Variants in AGBL1 observed in about 807,000 individuals in gnomAD.
AGBL1 encodes cytosolic carboxypeptidase 4.
In AGBL1, 130 loss-of-function variants were observed where a neutral mutation model predicts 118.9. The observed-to-expected ratio is 1.09, with a 90% CI of 0.95 to 1.26. AGBL1 has a LOEUF of 1.26. AGBL1 is among the 50% of genes most tolerant of loss of function. AGBL1 has a pLI of 0.00. For synonymous variants in AGBL1, 555 were observed against 478.9 expected (o/e 1.16, Z -2.08); for missense variants, 1,584 against 1,298.1 (o/e 1.22, Z -3.38).
At chr15:86,606,530 C>A (rs1169667270) in intron 21 of AGBL1, among the ~76,000 whole-genome samples, 1 of 152,124 alleles carries the variant, frequency 6.6e-6, no homozygotes, top group Non-Finnish European at 1.5e-5. Context: ...ATTTAATCTG[C>A]TTTTGTTCTG....
chr15:86,403,272 C>A (rs2081475536), intron 18 of AGBL1, among the ~76,000 whole-genome samples: 1 of 152,122 alleles, frequency 6.6e-6, no homozygotes. Context: ...ATTTTATTTA[C>A]AGGAGAACCA....
chr15:86,094,837 G>A (rs929029039), intron 1 of AGBL1, among the ~76,000 whole-genome samples: 1 of 152,152 alleles, frequency 6.6e-6, no homozygotes, highest in African/African-American at 2.4e-5. Context: ...TGCCACCTGG[G>A]TATCCTACCT....
chr15:86,625,364 C>CCTTTTTTTTTTTTTT lies in AGBL1; in HGVS notation c.2995-48909_2995-48908insCTTTTTTTTTTTTTT, dbSNP rs1429206623. 2.9e-4 allele frequency among the ~76,000 whole-genome samples: 20 copies of CCTTTTTTTTTTTTTT among 68,290 alleles called. 6 individuals carry two copies. The highest frequency in any genetic ancestry group is 8.5e-4 in the East Asian group (1 of 1,172). The allele number at this position is 68,290 out of a possible 152,430, so 44.8% of individuals were successfully genotyped here. ...CAGCCTCCAAGGTAGAAGAAATTAGCGTTTTTTTTTTTTTGTTTTTGTTTT... is the reference window on the plus strand; with the variant it reads ...CAGCCTCCAAGGTAGAAGAAATTAGCCTTTTTTTTTTTTTTGTTTTTTTTTTTTTGTTTTTGTTTT... On this transcript the variant is annotated intron_variant, in intron 21 of 22. Coordinates refer to ENST00000614907, the MANE Select transcript of AGBL1 (RefSeq NM_001386094.1).
intron 17 of AGBL1, among the ~76,000 whole-genome samples, chr15:86,349,546 T>C (rs1198246682): frequency 6.6e-6 from 1 of 152,214 alleles, no homozygotes; most frequent in Non-Finnish European, 1.5e-5. Context: ...TTGAAAGGCA[T>C]GTGTTTGCCT....
chr15:86,657,698 C>G (rs2085482379), intron 21 of AGBL1, among the ~76,000 whole-genome samples: 1 of 152,140 alleles, frequency 6.6e-6, no homozygotes. Flanking sequence ...TATGTCTGGA[C>G]TTGCTTGCTC....
At chr15:86,951,531 CAT>C (rs1176890708) in intron 23 of AGBL1, among the ~76,000 whole-genome samples, 2 of 152,124 alleles carry the variant, frequency 1.3e-5, no homozygotes, top group African/African-American at 4.8e-5. Flanking sequence ...TGGTTAATCT[CAT>C]ATAATGTTGA....
At chr15:87,015,541 T>TAAAC (rs2081601206) in intron 24 of AGBL1, among the ~76,000 whole-genome samples, 1 of 152,318 alleles carries the variant, frequency 6.6e-6, no homozygotes, top group East Asian at 1.9e-4. Flanking sequence ...ATTCATTCAG[T>TAAAC]AAACACTGAG....
chr15:86,380,596 T>G (rs966259374), intron 17 of AGBL1, among the ~76,000 whole-genome samples: 1 of 145,004 alleles, frequency 6.9e-6, no homozygotes, highest in Non-Finnish European at 1.5e-5. Flanking sequence ...CTATGGCATA[T>G]TCATCCGTCT....
Position 86,910,584 on chromosome 15 carries a change from T to A in AGBL1, c.*3290T>A, listed in dbSNP as rs1016859039. The A allele has an allele frequency of 3.3e-5, 5 of 152,362 alleles. No homozygotes were observed. The highest frequency in any genetic ancestry group is 1.2e-4 in the African/African-American group (5 of 41,570). The allele number at this position is 152,362 out of a possible 1,614,324, so 9.4% of individuals were successfully genotyped here. A position where few individuals can be genotyped will look rare whatever the true frequency, so the allele number is the denominator to read the frequency against. ...AGTTTGAGGAGTGCCCCAGGTGTGA[T>A]ACTACTATATTTGAAGAGCAGAACG... On this transcript the variant is annotated 3_prime_UTR_variant, in exon 23 of 23. Coordinates refer to ENST00000614907, the MANE Select transcript of AGBL1 (RefSeq NM_001386094.1).
At chr15:86,832,562 C>T (rs2079119612) in intron 22 of AGBL1, among the ~76,000 whole-genome samples, 1 of 152,176 alleles carries the variant, frequency 6.6e-6, no homozygotes, top group Admixed American at 6.5e-5. Flanking sequence ...GGCAAAATGT[C>T]ACCAGTCTCT....
At chr15:86,900,086 T>C (rs1377447638) in intron 22 of AGBL1, among the ~76,000 whole-genome samples, 1 of 152,166 alleles carries the variant, frequency 6.6e-6, no homozygotes, top group East Asian at 1.9e-4. Context: ...TTTGGACTCT[T>C]GGGCTTACAG....
chr15:86,580,310 T>G (rs1332993335), intron 21 of AGBL1, among the ~76,000 whole-genome samples: 1 of 152,170 alleles, frequency 6.6e-6, no homozygotes, highest in African/African-American at 2.4e-5. Context: ...AGATTTGTAC[T>G]TTTAGTATTG....
In AGBL1 at chr15:86,911,602, T is replaced by C. The variant is rs748851523; in HGVS notation, c.*4308T>C. ...CTCATCGCACTTATGCTTGTGAGTG[T>C]CTACACACATATGCACATGCACAGT... is the stretch of plus-strand genomic sequence containing the variant. On this transcript the variant is annotated 3_prime_UTR_variant, in exon 23 of 23. Coordinates refer to ENST00000614907, the MANE Select transcript of AGBL1 (RefSeq NM_001386094.1). 6.6e-6 allele frequency: 1 copy of C among 152,176 alleles called. No individual in the cohort carries two copies. The highest frequency in any genetic ancestry group is 2.1e-4 in the South Asian group (1 of 4,836). 9.4% of individuals were successfully genotyped at this position (152,176 alleles called of 1,614,324 possible).
chr15:86,504,144 A>G (rs931808255), intron 18 of AGBL1, among the ~76,000 whole-genome samples: 2 of 151,630 alleles, frequency 1.3e-5, no homozygotes, highest in Non-Finnish European at 3.0e-5. Context: ...TTCTTGATGA[A>G]TTAACCCTTT....
intron 23 of AGBL1, among the ~76,000 whole-genome samples, chr15:86,933,368 G>C (rs1240521047): frequency 6.6e-6 from 1 of 151,984 alleles, no homozygotes; most frequent in Non-Finnish European, 1.5e-5. Flanking sequence ...ACAAAATAAG[G>C]GATATGGGAG....
intron 17 of AGBL1, among the ~76,000 whole-genome samples, chr15:86,328,346 G>C (rs2080218078): frequency 6.6e-6 from 1 of 152,120 alleles, no homozygotes; most frequent in Non-Finnish European, 1.5e-5. Context: ...ATGGTAAAAA[G>C]TATTTGAAAG....
In AGBL1 at chr15:86,247,815, T is replaced by C; in HGVS notation, c.671T>C (p.Leu224Pro). Residue 224 changes from leucine (L) to proline (P), a missense_variant, in exon 7 of 23, where the codon CTC (leucine) becomes CCC (proline). Physicochemically the swap from Leu to Pro is moderately conservative, Grantham distance 98. Coordinates refer to ENST00000614907, the MANE Select transcript of AGBL1 (RefSeq NM_001386094.1). ...LLLCLRHIAA[L>P]RSGREAFLAA... ...CTCTGCCTCAGGCACATTGCTGCCC[T>C]CCGGTCCGGCAGGGAGGCCTTCCTG... is the stretch of plus-strand genomic sequence containing the variant. The C allele has an allele frequency of 6.2e-7, 1 of 1,613,962 alleles. No homozygotes were observed. Among genetic ancestry groups the C allele is most frequent in the Non-Finnish European group, 8.5e-7 (1 of 1,179,898 alleles).
chr15:86,753,397 C>CTTTTTTT lies in AGBL1; in HGVS notation c.3158+78973_3158+78979dup, dbSNP rs1555446759. ...CAAGGCTTTCTTTCTTTTTCTTTTT[C>CTTTTTTT]TTTTTTTTTTTTTTTTTTGAGACAG... On this transcript the variant is annotated intron_variant, in intron 22 of 22. Coordinates refer to ENST00000614907, the MANE Select transcript of AGBL1 (RefSeq NM_001386094.1). Among the ~76,000 whole-genome samples the CTTTTTTT allele has an allele frequency of 2.3e-4, 26 of 111,272 alleles. 1 individual carries two copies. Among genetic ancestry groups the CTTTTTTT allele is most frequent in the African/African-American group, 4.0e-4 (12 of 30,302 alleles). The allele number at this position is 111,272 out of a possible 152,430, so 73.0% of individuals were successfully genotyped here. A position where few individuals can be genotyped will look rare whatever the true frequency, so the allele number is the denominator to read the frequency against.
chr15:86,899,685 T>C (rs2080184373), intron 22 of AGBL1, among the ~76,000 whole-genome samples: 1 of 152,188 alleles, frequency 6.6e-6, no homozygotes, highest in Non-Finnish European at 1.5e-5. Flanking sequence ...TCATCTGAAT[T>C]AGTTGTGCAT....
Sources: allele counts gnomAD v4.1 joint callset (sites outside exome capture counted in the v4.1 genomes callset), GRCh38; gene constraint gnomAD v4.1.1; transcripts MANE v1.5; gene names NCBI Gene and HGNC (gene_info 2026-07-23, HGNC 2026-07-21).